The following ULK4 variants were observed in gnomAD, a reference collection of about 807,000 sequenced individuals.
ULK4 encodes inactive serine/threonine-protein kinase ULK4.
Under a neutral mutation model 160.6 loss-of-function variants are expected in ULK4, and 133 were observed. The ratio of observed to expected loss-of-function variants is 0.83; its 90% confidence interval spans 0.72 to 0.96. The LOEUF (loss-of-function observed/expected upper bound fraction) is 0.96. ULK4 is among the 40% of genes least tolerant of loss of function. ULK4 has a pLI of 0.00. For missense variants in ULK4, 1,580 were observed against 1,499.5 expected, an observed-to-expected ratio of 1.05 and a Z score of -0.89; for synonymous variants, 534 against 539.8, an observed-to-expected ratio of 0.99 and a Z score of 0.15.
At chr3:41,359,226 T>C (rs56157678) in intron 35 of ULK4, among the ~76,000 whole-genome samples, 5,879 of 152,146 alleles carry the variant, frequency 0.039, 297 homozygotes, top group East Asian at 0.19. Context: ...ATGAGCCAAG[T>C]GGGCGAAGAT....
chr3:41,909,764 T>C (rs532619832), intron 11 of ULK4, among the ~76,000 whole-genome samples: 5 of 152,128 alleles, frequency 3.3e-5, no homozygotes, highest in African/African-American at 9.6e-5. Flanking sequence ...AAAATGTATA[T>C]AGATAAACAT....
chr3:41,875,872 T>A (rs937937175), intron 17 of ULK4, among the ~76,000 whole-genome samples: 7 of 150,184 alleles, frequency 4.7e-5, no homozygotes, highest in African/African-American at 1.7e-4. Context: ...AATCAAATGA[T>A]CAAAGTAGGT....
intron 34 of ULK4, among the ~76,000 whole-genome samples, chr3:41,420,309 AC>A (rs2082630433): frequency 6.6e-6 from 1 of 151,792 alleles, no homozygotes; most frequent in Non-Finnish European, 1.5e-5. Flanking sequence ...GGTACCTGGC[AC>A]ATCTGTGATT....
At chr3:41,255,507 C>G (rs1475811488) in intron 35 of ULK4, among the ~76,000 whole-genome samples, 6 of 152,028 alleles carry the variant, frequency 3.9e-5, no homozygotes, top group African/African-American at 1.4e-4. Flanking sequence ...ATAAGGGCAC[C>G]AAACAGTTGA....
chr3:41,452,920 A>T (rs527808109), intron 34 of ULK4, among the ~76,000 whole-genome samples: 1 of 152,292 alleles, frequency 6.6e-6, no homozygotes, highest in South Asian at 2.1e-4. Context: ...CATGGAATAA[A>T]GTTAAGAGTT....
chr3:41,365,629 T>C (rs1283288576), intron 35 of ULK4, among the ~76,000 whole-genome samples: 4 of 152,182 alleles, frequency 2.6e-5, no homozygotes, highest in African/African-American at 9.7e-5. Context: ...TTTTTTATGA[T>C]AGAAAACTGA....
At chr3:41,706,941 A>T (rs1240532498) in intron 25 of ULK4, among the ~76,000 whole-genome samples, 1 of 151,456 alleles carries the variant, frequency 6.6e-6, no homozygotes, top group Non-Finnish European at 1.5e-5. Context: ...CATATACAAA[A>T]GAACATAGGT....
At chr3:41,805,777 G>T (rs2040623995) in intron 19 of ULK4, among the ~76,000 whole-genome samples, 1 of 148,496 alleles carries the variant, frequency 6.7e-6, no homozygotes, top group Admixed American at 6.7e-5. Flanking sequence ...TTTATATGCT[G>T]GATTACATTT....
chr3:41,751,000 G>GA, intron 22 of ULK4, among the ~76,000 whole-genome samples: 1 of 143,826 alleles, frequency 7.0e-6, no homozygotes, highest in African/African-American at 2.6e-5. Context: ...GAGAGAGAGA[G>GA]GAAGGGAGGG....
rs371162668 is a variant in ULK4, at chr3:41,705,136, T to C, written c.2702A>G (p.Glu901Gly). Residue 901 changes from glutamate (E) to glycine (G), a missense_variant, in exon 27 of 37, where the codon GAA (glutamate) becomes GGA (glycine). Coordinates refer to ENST00000301831, the MANE Select transcript of ULK4 (RefSeq NM_017886.4). ...IDGAIGLTAS[E>G]EFIKITLSAF... ...TGACAATGTGATCTTGATAAATTCT[T>C]CTGATGCTGTCAGTCCTAGAAATAC... 6 of 1,613,694 alleles carry C rather than the reference T, an allele frequency of 3.7e-6. No individual in the cohort carries two copies. Among genetic ancestry groups the C allele is most frequent in the Non-Finnish European group, 3.4e-6 (4 of 1,179,798 alleles).
At chr3:41,536,568 T>C (rs1293303394) in intron 32 of ULK4, among the ~76,000 whole-genome samples, 2 of 152,182 alleles carry the variant, frequency 1.3e-5, no homozygotes, top group East Asian at 3.9e-4. Context: ...TGTGGGTTGA[T>C]TTTGCACGTA....
intron 17 of ULK4, among the ~76,000 whole-genome samples, chr3:41,861,849 T>C (rs1337932961): frequency 6.6e-6 from 1 of 152,076 alleles, no homozygotes; most frequent in African/African-American, 2.4e-5. Context: ...TGAGACAGGG[T>C]CTCACTCTGT....
intron 35 of ULK4, among the ~76,000 whole-genome samples, chr3:41,363,248 ATC>A (rs771312256): frequency 1.3e-5 from 2 of 152,246 alleles, no homozygotes; most frequent in Non-Finnish European, 2.9e-5. Context: ...GCTGAGGATT[ATC>A]TGTTAGCAGC....
At chr3:41,399,772 AT>A (rs1474216277) in intron 34 of ULK4, among the ~76,000 whole-genome samples, 3 of 151,890 alleles carry the variant, frequency 2.0e-5, no homozygotes, top group Non-Finnish European at 1.5e-5. Flanking sequence ...CACCTTGCTA[AT>A]TTTTAAATTT....
At chr3:41,617,496 C>T (rs985210492) in intron 30 of ULK4, among the ~76,000 whole-genome samples, 1 of 150,950 alleles carries the variant, frequency 6.6e-6, no homozygotes, top group East Asian at 1.9e-4. Context: ...GAATGGACCT[C>T]CAGCAAACTG....
At chr3:41,924,111 T>G (rs1699293666) in intron 5 of ULK4, among the ~76,000 whole-genome samples, 1 of 152,148 alleles carries the variant, frequency 6.6e-6, no homozygotes, top group South Asian at 2.1e-4. Flanking sequence ...CTAACCAAAA[T>G]TTTTGCCCTA....
intron 32 of ULK4, among the ~76,000 whole-genome samples, chr3:41,534,606 G>A (rs1030202661): frequency 1.6e-4 from 24 of 151,250 alleles, no homozygotes; most frequent in African/African-American, 5.8e-4. Flanking sequence ...TTTGTGGCAT[G>A]TCAACAGCCA....
chr3:41,338,199 A>G (rs928752645), intron 35 of ULK4, among the ~76,000 whole-genome samples: 4 of 152,224 alleles, frequency 2.6e-5, no homozygotes, highest in Non-Finnish European at 5.9e-5. Flanking sequence ...GTGCTTTGAC[A>G]TAAGAGTACC....
At chr3:41,731,126 G>A (rs954647022) in intron 22 of ULK4, among the ~76,000 whole-genome samples, 1 of 150,928 alleles carries the variant, frequency 6.6e-6, no homozygotes, top group African/African-American at 2.4e-5. Flanking sequence ...TCTAAATTTA[G>A]AACAAGACAA....
Sources: allele counts gnomAD v4.1 joint callset (sites outside exome capture counted in the v4.1 genomes callset), GRCh38; gene constraint gnomAD v4.1.1; transcripts MANE v1.5; gene names NCBI Gene and HGNC (gene_info 2026-07-23, HGNC 2026-07-21).